Variants in ERI3 observed in about 807,000 individuals in gnomAD.
ERI3 encodes the protein ERI1 exoribonuclease family member 3, also known as ERI1 exoribonuclease 3.
ERI3 carries 18 observed loss-of-function variants against 44.4 expected under a neutral mutation model. The observed-to-expected ratio is 0.41, with a 90% confidence interval of 0.28 to 0.60. The LOEUF (loss-of-function observed/expected upper bound fraction) is 0.60. Ranked by LOEUF, ERI3 falls within the 20% of genes least tolerant of loss-of-function variation. The pLI is 0.36. For missense variants in ERI3, 294 were observed against 435.5 expected (o/e 0.68, Z 2.89); for synonymous variants, 183 against 164.8 (o/e 1.11, Z -0.84).
chr1:44,248,841 G>A (rs2154318237), intron 7 of ERI3, among the ~76,000 whole-genome samples: 1 of 152,078 alleles, frequency 6.6e-6, no homozygotes, highest in East Asian at 1.9e-4. Context: ...GGAAGTGCTG[G>A]GGGCATCGAT....
intron 2 of ERI3, among the ~76,000 whole-genome samples, chr1:44,348,336 A>G (rs1646825828): frequency 6.6e-6 from 1 of 152,216 alleles, no homozygotes; most frequent in African/African-American, 2.4e-5. Flanking sequence ...TTGGACTGTC[A>G]CATCCAATCA....
intron 6 of ERI3, among the ~76,000 whole-genome samples, chr1:44,307,919 C>T (rs538306945): frequency 6.6e-6 from 1 of 152,176 alleles, no homozygotes; most frequent in African/African-American, 2.4e-5. Flanking sequence ...AATAATAATG[C>T]CTACTTTATA....
intron 1 of ERI3, chr1:44,353,820 A>G (rs1572365079): frequency 1.0e-6 from 1 of 985,406 alleles, no homozygotes; most frequent in East Asian, 1.1e-4. Context: ...TCTGAGCTCC[A>G]GTGAAGCACC....
rs551952506 is a variant in ERI3 at position 44,272,412 on chromosome 1, A to G, written c.831+12423T>C. Reference sequence around the variant, plus strand: ...CTCCAAAGCTCTTCCTTTGCACAGCAGTTTCTAGCTGTGAGCCACATCCCA... The same window carrying G: ...CTCCAAAGCTCTTCCTTTGCACAGCGGTTTCTAGCTGTGAGCCACATCCCA... On this transcript the variant is annotated intron_variant, in intron 7 of 8. Coordinates refer to ENST00000372257, the MANE Select transcript of ERI3 (RefSeq NM_024066.3). Among the ~76,000 whole-genome samples, 25 of 152,312 alleles carry G rather than the reference A, an allele frequency of 1.6e-4. No homozygotes were observed. The South Asian group carries it at 5.0e-3, about 30-fold the overall frequency.
Position 44,339,095 on chromosome 1 carries a change from A to G in ERI3, c.439T>C (p.Leu147=). The G allele has an allele frequency of 6.2e-7, 1 of 1,614,006 alleles. No homozygotes were observed. The highest frequency in any genetic ancestry group is 8.5e-7 in the Non-Finnish European group (1 of 1,179,994). Residue 147 remains leucine (L), a synonymous_variant, in exon 3 of 9, where the codon TTA becomes CTA. Transcript: ENST00000372257. ...CACGTGGCCTCAAAGTCCAGCACTAAAAAGTAGTGATACCTCTGGGGAGGG... is the reference window on the plus strand; with the variant it reads ...CACGTGGCCTCAAAGTCCAGCACTAGAAAGTAGTGATACCTCTGGGGAGGG... ...SFPPQRYHYF[L]VLDFEATCDK...
At chr1:44,287,492 G>C (rs1412420300) in intron 6 of ERI3, among the ~76,000 whole-genome samples, 1 of 152,246 alleles carries the variant, frequency 6.6e-6, no homozygotes, top group Non-Finnish European at 1.5e-5. Context: ...TATCTCACCT[G>C]AATAAGAGGC....
intron 7 of ERI3, 133 bp from the exon 8 acceptor site, chr1:44,248,171 C>G (rs915649434): frequency 2.5e-5 from 15 of 590,168 alleles, no homozygotes; most frequent in Non-Finnish European, 3.9e-5. Flanking sequence ...GTGAGAGTCC[C>G]TTCTCCACCC....
chr1:44,327,215 C>G (rs941129289), intron 3 of ERI3, among the ~76,000 whole-genome samples: 14 of 152,222 alleles, frequency 9.2e-5, no homozygotes, highest in African/African-American at 3.4e-4. Context: ...GGAGGCATCA[C>G]TAAGGAAGGG....
intron 7 of ERI3, among the ~76,000 whole-genome samples, chr1:44,249,993 G>GA (rs1644641876): frequency 6.6e-6 from 1 of 151,974 alleles, no homozygotes; most frequent in South Asian, 2.1e-4. Flanking sequence ...AAGGAAGGGG[G>GA]AAAAAAGAAG....
At chr1:44,239,876 G>T (rs889119135) in intron 8 of ERI3, among the ~76,000 whole-genome samples, 7 of 152,228 alleles carry the variant, frequency 4.6e-5, no homozygotes, top group Non-Finnish European at 7.4e-5. Flanking sequence ...CAGGATCTGG[G>T]CCTAATTGTC....
chr1:44,232,852 C>CGGTTCTATAATTATACAGG (rs1157968557), intron 8 of ERI3, among the ~76,000 whole-genome samples: 62 of 152,188 alleles, frequency 4.1e-4, no homozygotes, highest in Non-Finnish European at 6.8e-4. Context: ...TATTATACAG[C>CGGTTCTATAATTATACAGG]GGTTCTATAA....
At chr1:44,322,075 C>A (rs1646213984) in intron 3 of ERI3, among the ~76,000 whole-genome samples, 1 of 152,098 alleles carries the variant, frequency 6.6e-6, no homozygotes, top group Non-Finnish European at 1.5e-5. Context: ...CACTTTTTTA[C>A]AAGCACATGG....
intron 3 of ERI3, among the ~76,000 whole-genome samples, chr1:44,320,419 G>A (rs533688084): frequency 6.6e-6 from 1 of 152,256 alleles, no homozygotes; most frequent in East Asian, 1.9e-4. Flanking sequence ...CAATTTGTTT[G>A]GTGTCTCTAA....
intron 6 of ERI3, 97 bp from the exon 7 acceptor site, chr1:44,285,004 A>G: frequency 3.9e-6 from 4 of 1,025,896 alleles, no homozygotes; most frequent in Non-Finnish European, 6.0e-6. Flanking sequence ...CAAGACAAAC[A>G]GACCTCAAAA....
intron 7 of ERI3, among the ~76,000 whole-genome samples, chr1:44,282,938 T>TG (rs1262168212): frequency 2.6e-5 from 4 of 152,182 alleles, no homozygotes; most frequent in Admixed American, 2.6e-4. Flanking sequence ...AGCACCAAGG[T>TG]GGCCCTGAGT....
At chr1:44,313,596 G>A (rs1188557200) in intron 4 of ERI3, among the ~76,000 whole-genome samples, 1 of 152,160 alleles carries the variant, frequency 6.6e-6, no homozygotes, top group African/African-American at 2.4e-5. Flanking sequence ...CACAATTACA[G>A]TCTCAAGTAA....
chr1:44,311,921 A>G (rs769829846), intron 5 of ERI3, among the ~76,000 whole-genome samples: 2 of 152,168 alleles, frequency 1.3e-5, no homozygotes, highest in South Asian at 2.1e-4. Context: ...AAGATGGTCA[A>G]TATGGCTGGG....
intron 7 of ERI3, among the ~76,000 whole-genome samples, chr1:44,264,164 G>C (rs1644944670): frequency 6.6e-6 from 1 of 152,216 alleles, no homozygotes; most frequent in Admixed American, 6.5e-5. Context: ...GCTCAGCAGA[G>C]CTAATAAATC....
chr1:44,329,280 T>A (rs1186702718), intron 3 of ERI3, among the ~76,000 whole-genome samples: 1 of 152,174 alleles, frequency 6.6e-6, no homozygotes, highest in Non-Finnish European at 1.5e-5. Flanking sequence ...ATCACAGAAT[T>A]CCTGCATATC....
Sources: allele counts gnomAD v4.1 joint callset (sites outside exome capture counted in the v4.1 genomes callset), GRCh38; gene constraint gnomAD v4.1.1; transcripts MANE v1.5; gene names NCBI Gene and HGNC (gene_info 2026-07-23, HGNC 2026-07-21).